Variants in REV3L observed in about 807,000 individuals in gnomAD.
REV3L encodes the protein REV3 like, DNA directed polymerase zeta catalytic subunit, also known as DNA polymerase zeta catalytic subunit.
Under a neutral mutation model 299.4 loss-of-function variants are expected in REV3L, and 69 were observed. The ratio of observed to expected loss-of-function variants is 0.23; its 90% CI spans 0.19 to 0.28. The LOEUF (loss-of-function observed/expected upper bound fraction) is 0.28. Among genes scored for constraint, REV3L ranks in the 10% least tolerant of loss-of-function variants. The pLI is 1.00. For synonymous variants in REV3L, 1,238 were observed against 1,271.4 expected, an observed-to-expected ratio of 0.97 and a Z score of 0.56; for missense variants, 3,128 against 3,693.8, an observed-to-expected ratio of 0.85 and a Z score of 3.97.
intron 27 of REV3L, 67 bp from the exon 28 acceptor site, chr6:111,313,556 T>C (rs1180591845): frequency 1.4e-6 from 2 of 1,464,036 alleles, no homozygotes; most frequent in Admixed American, 2.2e-5. Context: ...TTTATTTTTA[T>C]GTCTTTGTGC....
At chr6:111,335,341 A>G (rs1490244840) in intron 22 of REV3L, 128 bp downstream of exon 22, 27 of 1,067,152 alleles carry the variant, frequency 2.5e-5, no homozygotes, top group Non-Finnish European at 3.4e-5. Context: ...AAATGACAAG[A>G]TTTAATTACC....
rs779166473 is a variant in REV3L, at chr6:111,373,535, T to C, written c.4820A>G (p.Gln1607Arg). 1 of 1,613,248 alleles carries C rather than the reference T, an allele frequency of 6.2e-7. No homozygotes were observed. The change falls in exon 13 of 32, where the codon CAA becomes CGA. Residue 1607 changes from glutamine to arginine, a missense_variant. Transcript: ENST00000368802. The part of the protein sequence containing the change: ...KLLKVDSLNL[Q>R]NSSQLDNSVS... The stretch of plus-strand genomic sequence containing the variant: ...AGAGTTATCCAACTGGCTAGAGTTT[T>C]GTAAATTTAAAGAGTCTACTTTGAG...
chr6:111,316,623 G>A (rs1404291627), intron 26 of REV3L, among the ~76,000 whole-genome samples: 35 of 149,628 alleles, frequency 2.3e-4, no homozygotes, highest in Admixed American at 2.3e-3. Context: ...CTGAGATTGC[G>A]CCATTGCACT....
intron 1 of REV3L, among the ~76,000 whole-genome samples, chr6:111,460,108 C>T (rs1283451009): frequency 6.6e-6 from 1 of 152,090 alleles, no homozygotes; most frequent in Non-Finnish European, 1.5e-5. Context: ...AAAATCATGT[C>T]CTTTGCAACA....
At chr6:111,459,809 G>A (rs377154243) in intron 1 of REV3L, among the ~76,000 whole-genome samples, 1 of 152,046 alleles carries the variant, frequency 6.6e-6, no homozygotes, top group Non-Finnish European at 1.5e-5. Context: ...AAACCTTTAC[G>A]CTGTTGGTGG....
At chr6:111,304,812 A>G (rs1278854270) in intron 31 of REV3L, among the ~76,000 whole-genome samples, 2 of 151,920 alleles carry the variant, frequency 1.3e-5, no homozygotes, top group Non-Finnish European at 2.9e-5. Context: ...CTTTATGTCC[A>G]TGAGTACCCA....
At position 111,299,409 on chromosome 6, in the gene REV3L, A is replaced by AAAT. The variant is rs921844845; in HGVS notation, c.*604_*606dup. 3.5e-4 allele frequency: 47 copies of AAAT among 134,104 alleles called. No homozygotes were observed. Among genetic ancestry groups the AAAT allele is most frequent in the African/African-American group, 1.0e-3 (39 of 38,266 alleles). The allele number at this position is 134,104 out of a possible 1,614,324, so 8.3% of individuals were successfully genotyped here. ...AAGCAAGACAGCATTTTTTAAAAAAAAATAATGTTTCAAAATGCTACACGT... is the reference window on the plus strand; with the variant it reads ...AAGCAAGACAGCATTTTTTAAAAAAAAATAATAATGTTTCAAAATGCTACACGT... On this transcript the variant is annotated 3_prime_UTR_variant, in exon 32 of 32. Transcript: ENST00000368802.
intron 1 of REV3L, among the ~76,000 whole-genome samples, chr6:111,438,014 A>ATTTT (rs113741430): frequency 6.8e-6 from 1 of 146,656 alleles, no homozygotes; most frequent in Non-Finnish European, 1.5e-5. Context: ...CACCTGCCTA[A>ATTTT]TTTTTTTTTT....
At position 111,310,080 on chromosome 6, in the gene REV3L, G is replaced by A; in HGVS notation, c.8815C>T (p.Arg2939Trp). The part of the protein sequence containing the change: ...ELTRKMLTYD[R>W]RSEPQVGERV... ...TCCCCAACCTGAGGCTCAGAGCGCC[G>A]GTCATAAGTCAGCATTTTCCTATTC... The change falls in exon 30 of 32, where the codon CGG becomes TGG. Residue 2939 changes from arginine to tryptophan, a missense_variant. Arg to Trp is a moderately radical substitution (Grantham distance 101). This residue lies in a region of REV3L where 294 missense variants were observed against 377.0 expected (regional missense o/e 0.78). Transcript: ENST00000368802. 14 of 1,556,642 alleles carry A rather than the reference G, an allele frequency of 9.0e-6. No individual in the cohort carries two copies. Among genetic ancestry groups the A allele is most frequent in the South Asian group, 2.4e-5 (2 of 82,142 alleles).
chr6:111,375,489 C>T lies in REV3L; in HGVS notation c.2866G>A (p.Asp956Asn), dbSNP rs752047386. 1 of 1,607,212 alleles carries T rather than the reference C, an allele frequency of 6.2e-7. No individual in the cohort carries two copies. The highest frequency in any genetic ancestry group is 8.5e-7 in the Non-Finnish European group (1 of 1,178,322). ...PHPMEIGESL[D>N]GTLKSRKRRK... The stretch of plus-strand genomic sequence containing the variant: ...CGTTTTCGGGATTTGAGAGTTCCAT[C>T]TAAACTTTCACCAATTTCCATGGGA... The change falls in exon 13 of 32, where the codon GAT becomes AAT. Residue 956 changes from aspartate (D) to asparagine (N), a missense_variant. Around this residue, in one of 9 missense-constraint regions of REV3L, gnomAD observed 2,409 missense variants for 2,611.8 expected, o/e 0.92. Coordinates refer to ENST00000368802, the MANE Select transcript of REV3L (RefSeq NM_001372078.1).
At chr6:111,339,372 A>C (rs902853237) in intron 21 of REV3L, among the ~76,000 whole-genome samples, 3 of 152,082 alleles carry the variant, frequency 2.0e-5, no homozygotes, top group Non-Finnish European at 2.9e-5. Context: ...TGGCCAAATA[A>C]ACGAAAACAT....
At position 111,309,948 on chromosome 6, in the gene REV3L, T is replaced by C. The variant is rs748919049; in HGVS notation, c.8947A>G (p.Thr2983Ala). 6.2e-7 allele frequency: 1 copy of C among 1,614,086 alleles called. No homozygotes were observed. ...LQDPTLRLNA[T>A]YYITKQILPP... ...AGGATTTGCTTGGTAATATAGTAAGTAGCATTCAGTCTCAGAGTTGGGTCC... is the reference window on the plus strand; with the variant it reads ...AGGATTTGCTTGGTAATATAGTAAGCAGCATTCAGTCTCAGAGTTGGGTCC... The change falls in exon 30 of 32, where the codon ACT (threonine) becomes GCT (alanine). Residue 2983 changes from threonine (T) to alanine (A), a missense_variant. Physicochemically the swap from Thr to Ala is moderately conservative, Grantham distance 58. Around this residue, in one of 9 missense-constraint regions of REV3L, gnomAD observed 294 missense variants for 377.0 expected, o/e 0.78. Coordinates refer to ENST00000368802, the MANE Select transcript of REV3L (RefSeq NM_001372078.1).
At chr6:111,320,229 C>CA (rs1773992467) in intron 26 of REV3L, among the ~76,000 whole-genome samples, 1 of 152,154 alleles carries the variant, frequency 6.6e-6, no homozygotes, top group Admixed American at 6.5e-5. Context: ...CCATCACGCC[C>CA]AGCTAATTTT....
At chr6:111,459,219 G>A (rs1478337360) in intron 1 of REV3L, among the ~76,000 whole-genome samples, 1 of 152,076 alleles carries the variant, frequency 6.6e-6, no homozygotes, top group Non-Finnish European at 1.5e-5. Context: ...TGGGATAACT[G>A]GCTAGCCATA....
At chr6:111,425,958 T>G (rs1013103202) in intron 1 of REV3L, among the ~76,000 whole-genome samples, 8 of 152,280 alleles carry the variant, frequency 5.3e-5, no homozygotes, top group Admixed American at 3.9e-4. Flanking sequence ...AAATATATAT[T>G]TGGTCTTTGT....
At chr6:111,482,696 G>A (rs1793907814) in intron 1 of REV3L, 54 bp downstream of exon 1, 5 of 1,129,716 alleles carry the variant, frequency 4.4e-6, no homozygotes, top group Non-Finnish European at 4.4e-6. Flanking sequence ...CGGGGAGGGC[G>A]GCCCCGGCGC....
chr6:111,309,774 A>T, intron 30 of REV3L, 79 bp downstream of exon 30: 2 of 1,512,538 alleles, frequency 1.3e-6, no homozygotes, highest in Non-Finnish European at 1.8e-6. Context: ...TCAATAGCAC[A>T]TAAAACCTTT....
chr6:111,371,658 G>A (rs1347379707), intron 13 of REV3L, among the ~76,000 whole-genome samples: 1 of 151,876 alleles, frequency 6.6e-6, no homozygotes, highest in Admixed American at 6.6e-5. Flanking sequence ...CCACCTCCTG[G>A]GTTCAAGTGA....
At position 111,376,661 on chromosome 6, in the gene REV3L, G is replaced by A; in HGVS notation, c.1694C>T (p.Ala565Val). The A allele has an allele frequency of 6.2e-7, 1 of 1,611,762 alleles. No individual in the cohort carries two copies. Among genetic ancestry groups the A allele is most frequent in the Non-Finnish European group, 8.5e-7 (1 of 1,179,726 alleles). Residue 565 changes from alanine to valine, a missense_variant, in exon 13 of 32, where the codon GCT becomes GTT. Around this residue, in one of 9 missense-constraint regions of REV3L, gnomAD observed 2,409 missense variants for 2,611.8 expected, o/e 0.92. Coordinates refer to ENST00000368802, the MANE Select transcript of REV3L (RefSeq NM_001372078.1). ...VKPSIFHKDA[A>V]TLEPSSSAKI... ...AGCAGAAGATGAGGGTTCTAATGTA[G>A]CAGCATCTTTGTGAAAGATGGAGGG...
Sources: gnomAD v4.1 joint callset for allele counts (sites outside exome capture counted in the v4.1 genomes callset) on GRCh38, gnomAD v4.1.1 for gene constraint, gnomAD v4.1.1 regional missense constraint, MANE v1.5 for transcripts, NCBI Gene and HGNC (gene_info 2026-07-23, HGNC 2026-07-21) for gene names.